GALNT9: variants seen among roughly 807,000 people sequenced by gnomAD.
The protein encoded by GALNT9 is GalNAc transferase 9.
A neutral mutation model predicts 63.1 loss-of-function variants in GALNT9; 47 were observed. That is an observed-to-expected ratio of 0.75 (90% CI 0.59 to 0.95). GALNT9 has a LOEUF of 0.95. Among genes scored for constraint, GALNT9 ranks in the 40% least tolerant of loss-of-function variants. The probability of loss-of-function intolerance (pLI) is 0.00; values close to 1 mark genes in which losing one functional copy is unlikely to be tolerated. For missense variants in GALNT9, 829 were observed against 874.8 expected (o/e 0.95, Z 0.66); for synonymous variants, 396 against 365.7 (o/e 1.08, Z -0.94).
chr12:132,202,103 TTGGTAAAG>T (rs2135502615), intron 7 of GALNT9, among the ~76,000 whole-genome samples: 1 of 152,338 alleles, frequency 6.6e-6, no homozygotes, highest in South Asian at 2.1e-4. Flanking sequence ...CAGTTACTCA[TTGGTAAAG>T]TGGGGACGAT....
At chr12:132,298,094 TG>T (rs1180288997) in intron 1 of GALNT9, among the ~76,000 whole-genome samples, 1 of 152,092 alleles carries the variant, frequency 6.6e-6, no homozygotes, top group Non-Finnish European at 1.5e-5. Context: ...AACTAACTCC[TG>T]AGATAACCAA....
At chr12:132,298,288 T>C (rs1021960608) in intron 1 of GALNT9, among the ~76,000 whole-genome samples, 3 of 151,786 alleles carry the variant, frequency 2.0e-5, no homozygotes, top group Non-Finnish European at 4.4e-5. Flanking sequence ...CCCAGTCCCA[T>C]GATAACTAAC....
Position 132,296,537 on chromosome 12 carries a change from G to C in GALNT9, c.239-10107C>G, listed in dbSNP as rs555800188. On this transcript the variant is annotated intron_variant, in intron 1 of 10. Transcript: ENST00000328957. This position sits in a 1 kb window ranked among gnomAD's most constrained non-coding sequence, Gnocchi z 4.2. The stretch of plus-strand genomic sequence containing the variant: ...TTATCCTTGAATAAGATGTAATTTT[G>C]AGAATAATGGGAAATTTGCATCTAT... Among the ~76,000 whole-genome samples the C allele has an allele frequency of 3.9e-5, 6 of 152,172 alleles. No homozygotes were observed. Among genetic ancestry groups the C allele is most frequent in the Non-Finnish European group, 5.9e-5 (4 of 68,026 alleles).
chr12:132,201,122 A>G lies in GALNT9; in HGVS notation c.1401+2T>C, dbSNP rs1325248279. The stretch of plus-strand genomic sequence containing the variant: ...GAACGGGGCCCTCGGGGGAGGTGCT[A>G]CCTCTCCGTACGTGAGGGTGTTGTT... On this transcript the variant is annotated splice_donor_variant, in intron 8 of 10. Transcript: ENST00000328957. LOFTEE classifies it high-confidence loss of function. 1.9e-6 allele frequency: 3 copies of G among 1,612,290 alleles called. No homozygotes were observed. The highest frequency in any genetic ancestry group is 2.5e-6 in the Non-Finnish European group (3 of 1,179,188).
At chr12:132,226,796 A>G (rs1877709524) in intron 6 of GALNT9, among the ~76,000 whole-genome samples, 2 of 140,160 alleles carry the variant, frequency 1.4e-5, no homozygotes, top group African/African-American at 5.4e-5. Flanking sequence ...CATACACCCC[A>G]TATACACACC....
intron 6 of GALNT9, among the ~76,000 whole-genome samples, chr12:132,230,693 T>C (rs1593073596): frequency 6.6e-6 from 1 of 152,302 alleles, no homozygotes; most frequent in South Asian, 2.1e-4. Flanking sequence ...GGCCCGGTCC[T>C]CCTGTAGCTG....
intron 5 of GALNT9, among the ~76,000 whole-genome samples, chr12:132,255,032 G>A (rs543860816): frequency 1.3e-5 from 2 of 152,298 alleles, no homozygotes; most frequent in Admixed American, 6.5e-5. Context: ...GATTTCAAGT[G>A]AAAATGATTA....
In GALNT9 at chr12:132,216,224, G is replaced by A. The variant is rs543843457; in HGVS notation, c.1078-12534C>T. Among the ~76,000 whole-genome samples the A allele has an allele frequency of 7.2e-5, 11 of 152,270 alleles. No homozygotes were observed. In the South Asian group the frequency reaches 2.3e-3, roughly 32 times the overall value. ...AGACAGACACGGAGAGAGAGACAAA[G>A]GAACAGATTATAGAGAAGACAGAGA... On this transcript the variant is annotated intron_variant, in intron 6 of 10. Transcript: ENST00000328957.
intron 1 of GALNT9, among the ~76,000 whole-genome samples, chr12:132,302,612 G>GC (rs1881342059): frequency 6.6e-6 from 1 of 152,208 alleles, no homozygotes; most frequent in Admixed American, 6.5e-5. Flanking sequence ...ACACCTGCCT[G>GC]CCCCCCAGAG....
At chr12:132,292,876 C>T (rs991115380) in intron 1 of GALNT9, among the ~76,000 whole-genome samples, 22 of 152,272 alleles carry the variant, frequency 1.4e-4, no homozygotes, top group African/African-American at 4.1e-4. Context: ...CGGAGGACGC[C>T]GCCTCGCATG....
At chr12:132,317,765 T>C (rs1364497964) in intron 1 of GALNT9, among the ~76,000 whole-genome samples, 2 of 152,068 alleles carry the variant, frequency 1.3e-5, no homozygotes, top group Non-Finnish European at 2.9e-5. Context: ...CCCAGCCTTG[T>C]CCCTTCCAAC....
intron 6 of GALNT9, among the ~76,000 whole-genome samples, chr12:132,216,673 C>T (rs1299967731): frequency 6.6e-6 from 1 of 152,204 alleles, no homozygotes; most frequent in Non-Finnish European, 1.5e-5. Flanking sequence ...GTTCCAGCAT[C>T]TGGGGGGATG....
intron 6 of GALNT9, 35 bp downstream of exon 6, chr12:132,247,875 C>T: frequency 6.4e-7 from 1 of 1,550,572 alleles, no homozygotes; most frequent in Non-Finnish European, 8.7e-7. Context: ...CTCACTCGCC[C>T]TCACCCTGTC....
At chr12:132,198,453 G>GGCCTGT (rs68095670) in intron 9 of GALNT9, among the ~76,000 whole-genome samples, 3 of 151,668 alleles carry the variant, frequency 2.0e-5, no homozygotes, top group Non-Finnish European at 4.4e-5. Flanking sequence ...GCTGGGCCTG[G>GGCCTGT]GCCTGTGCTG....
chr12:132,324,473 C>T (rs1555246371), intron 1 of GALNT9, among the ~76,000 whole-genome samples: 1 of 152,226 alleles, frequency 6.6e-6, no homozygotes, highest in Non-Finnish European at 1.5e-5. Flanking sequence ...GGCTGACCTG[C>T]CGGGGCCGCG....
intron 2 of GALNT9, among the ~76,000 whole-genome samples, chr12:132,269,975 G>A (rs1370295006): frequency 6.6e-6 from 1 of 152,210 alleles, no homozygotes; most frequent in East Asian, 1.9e-4. Context: ...GCACCCCCAG[G>A]TGACTTCGGT....
At chr12:132,211,774 CTGA>C (rs1324124282) in intron 6 of GALNT9, among the ~76,000 whole-genome samples, 1 of 152,210 alleles carries the variant, frequency 6.6e-6, no homozygotes, top group Non-Finnish European at 1.5e-5. Context: ...GCACGGAAGG[CTGA>C]GGAGTATGTC....
intron 9 of GALNT9, 37 bp from the exon 10 acceptor site, chr12:132,197,996 G>A (rs372096629): frequency 8.4e-6 from 13 of 1,553,538 alleles, no homozygotes; most frequent in Middle Eastern, 1.7e-4. Flanking sequence ...TGTGAGCAGC[G>A]CCCAGGCTCT....
chr12:132,290,663 C>T (rs1264177853), intron 1 of GALNT9, among the ~76,000 whole-genome samples: 3 of 114,356 alleles, frequency 2.6e-5, no homozygotes, highest in African/African-American at 9.1e-5. Flanking sequence ...ACAGCGCCCA[C>T]GTCCACAGCG....
Sources: allele counts gnomAD v4.1 joint callset (sites outside exome capture counted in the v4.1 genomes callset), GRCh38; gene constraint gnomAD v4.1.1; non-coding constraint Gnocchi (gnomAD v3.1); transcripts MANE v1.5; gene names NCBI Gene and HGNC (gene_info 2026-07-23, HGNC 2026-07-21).